DLG1: variants seen among roughly 807,000 people sequenced by gnomAD.
The protein encoded by DLG1 is discs large MAGUK scaffold protein 1, also known as disks large homolog 1.
In DLG1, 42 loss-of-function variants were observed where a neutral mutation model predicts 123.4. The ratio of observed to expected loss-of-function variants is 0.34; its 90% confidence interval spans 0.27 to 0.44. The LOEUF is 0.44. Ranked by LOEUF, DLG1 falls within the 20% of genes least tolerant of loss-of-function variation. DLG1 has a pLI of 1.00. For synonymous variants in DLG1, 317 were observed against 356.2 expected (o/e 0.89, Z 1.24); for missense variants, 942 against 1,082.6 (o/e 0.87, Z 1.82).
chr3:197,093,400 G>A (rs775622786), intron 14 of DLG1, among the ~76,000 whole-genome samples: 6 of 152,120 alleles, frequency 3.9e-5, no homozygotes, highest in Admixed American at 2.6e-4. Context: ...CTCGTAATCC[G>A]CCTGCCTCGG....
At chr3:197,165,017 AT>A (rs754807571) in intron 5 of DLG1, among the ~76,000 whole-genome samples, 1 of 152,214 alleles carries the variant, frequency 6.6e-6, no homozygotes, top group Non-Finnish European at 1.5e-5. Context: ...TATATGGGAC[AT>A]TGCTTATGAC....
chr3:197,256,354 A>G (rs769912311), intron 4 of DLG1, among the ~76,000 whole-genome samples: 3 of 152,400 alleles, frequency 2.0e-5, no homozygotes, highest in Non-Finnish European at 4.4e-5. Context: ...CCCACTGGCC[A>G]TAGTCTGCCA....
chr3:197,075,979 T>G, intron 18 of DLG1: 1 of 798,168 alleles, frequency 1.3e-6, no homozygotes, highest in Non-Finnish European at 2.0e-6. Flanking sequence ...CCAAGACCAT[T>G]ACAGGTACAT....
chr3:197,185,252 C>G (rs886450793), intron 5 of DLG1, among the ~76,000 whole-genome samples: 2 of 152,172 alleles, frequency 1.3e-5, no homozygotes, highest in African/African-American at 4.8e-5. Flanking sequence ...ACGTGCTTAC[C>G]AGCACCAACT....
At position 197,085,078 on chromosome 3, in the gene DLG1, G is replaced by A. The variant is rs575512286; in HGVS notation, c.1838+502C>T. 3.3e-5 allele frequency among the ~76,000 whole-genome samples: 5 copies of A among 151,408 alleles called. No homozygotes were observed. In the East Asian group the frequency reaches 5.8e-4, roughly 18 times the overall value. On this transcript the variant is annotated intron_variant, in intron 16 of 24. Transcript: ENST00000667157. The stretch of plus-strand genomic sequence containing the variant: ...GCTGGGATTACAGGAATGAGCCACC[G>A]TGCCCAGCCTAATTGTATATATTTA...
At chr3:197,080,964 T>C (rs1750786529) in intron 17 of DLG1, 87 bp downstream of exon 17, 5 of 1,262,678 alleles carry the variant, frequency 4.0e-6, no homozygotes, top group Middle Eastern at 1.9e-4. Flanking sequence ...GAACTGATCA[T>C]GAATAATTCT....
chr3:197,245,831 G>C (rs546919166), intron 4 of DLG1, among the ~76,000 whole-genome samples: 6 of 143,728 alleles, frequency 4.2e-5, no homozygotes, highest in African/African-American at 1.3e-4. Context: ...GGTCTGCGAG[G>C]TTATTCCCTC....
intron 20 of DLG1, 97 bp downstream of exon 20, chr3:197,066,607 T>C (rs1739756564): frequency 4.5e-6 from 4 of 897,658 alleles, no homozygotes; most frequent in African/African-American, 3.4e-5. Context: ...AAAAAAAATT[T>C]TAATACAACA....
intron 4 of DLG1, among the ~76,000 whole-genome samples, chr3:197,229,789 C>T (rs1357501761): frequency 6.6e-6 from 1 of 152,202 alleles, no homozygotes; most frequent in Non-Finnish European, 1.5e-5. Context: ...CAAGCGTAAT[C>T]GCCTTACTTA....
chr3:197,066,061 GATA>G (rs1007732141), intron 20 of DLG1, among the ~76,000 whole-genome samples: 95 of 152,298 alleles, frequency 6.2e-4, no homozygotes, highest in African/African-American at 2.2e-3. Context: ...TGTTTTCGCA[GATA>G]ATGTTTCTTT....
chr3:197,247,120 C>A (rs564527648), intron 4 of DLG1, among the ~76,000 whole-genome samples: 1 of 152,142 alleles, frequency 6.6e-6, no homozygotes, highest in Non-Finnish European at 1.5e-5. Context: ...TTAACAAAGC[C>A]GATGCTTCCT....
chr3:197,260,744 A>G (rs1336840082), intron 4 of DLG1, among the ~76,000 whole-genome samples: 1 of 130,414 alleles, frequency 7.7e-6, no homozygotes, highest in African/African-American at 3.0e-5. Context: ...CTCAAATGAC[A>G]ACCACCAAAA....
intron 18 of DLG1, chr3:197,075,924 A>G: frequency 6.5e-7 from 1 of 1,540,820 alleles, no homozygotes; most frequent in Non-Finnish European, 8.9e-7. Flanking sequence ...CAAAGAAAAT[A>G]GTTGTCAGTA....
intron 18 of DLG1, chr3:197,075,874 T>A: frequency 6.2e-7 from 1 of 1,611,372 alleles, no homozygotes; most frequent in Non-Finnish European, 8.5e-7. Context: ...GGATCTCCTG[T>A]AGAGGGTAGT....
intron 4 of DLG1, among the ~76,000 whole-genome samples, chr3:197,206,090 G>A (rs960295356): frequency 1.3e-5 from 2 of 152,124 alleles, no homozygotes; most frequent in Non-Finnish European, 2.9e-5. Flanking sequence ...ACAGGTTCAA[G>A]GGGCTATCTA....
At chr3:197,270,370 C>T (rs1385415087) in intron 4 of DLG1, among the ~76,000 whole-genome samples, 1 of 151,820 alleles carries the variant, frequency 6.6e-6, no homozygotes, top group African/African-American at 2.4e-5. Flanking sequence ...AGAGAGAGAT[C>T]AAGAAAAAGG....
chr3:197,068,394 T>C, intron 19 of DLG1: 2 of 741,528 alleles, frequency 2.7e-6, no homozygotes, highest in Non-Finnish European at 4.3e-6. Flanking sequence ...AAAAAAAAAA[T>C]CATTAAGTAA....
chr3:197,167,841 T>C (rs1456661487), intron 5 of DLG1, among the ~76,000 whole-genome samples: 1 of 152,212 alleles, frequency 6.6e-6, no homozygotes, highest in African/African-American at 2.4e-5. Flanking sequence ...TGTGCCTCTG[T>C]TGTTTTTTGT....
chr3:197,146,891 T>C (rs779138436), intron 6 of DLG1, among the ~76,000 whole-genome samples: 77 of 152,108 alleles, frequency 5.1e-4, no homozygotes, highest in Non-Finnish European at 1.0e-3. Context: ...TCACAATCTA[T>C]ACTTCTGACA....
Sources: allele counts gnomAD v4.1 joint callset (sites outside exome capture counted in the v4.1 genomes callset), GRCh38; gene constraint gnomAD v4.1.1; transcripts MANE v1.5; gene names NCBI Gene and HGNC (gene_info 2026-07-23, HGNC 2026-07-21).